Variants in SLC13A3 observed in about 807,000 individuals in gnomAD.
SLC13A3 encodes the protein Na(+)/dicarboxylate cotransporter 3.
In SLC13A3, 40 loss-of-function variants were observed where a neutral mutation model predicts 59.0. That is an observed-to-expected ratio of 0.68 (90% CI 0.53 to 0.88). The LOEUF is 0.88. Among genes scored for constraint, SLC13A3 ranks in the 40% least tolerant of loss-of-function variants. The pLI, the probability that SLC13A3 is intolerant of heterozygous loss-of-function variation, is 0.00. For missense variants in SLC13A3, 699 were observed against 783.2 expected (o/e 0.89, Z 1.28); for synonymous variants, 317 against 330.3 (o/e 0.96, Z 0.44).
chr20:46,611,280 G>C (rs545365901), intron 2 of SLC13A3, among the ~76,000 whole-genome samples: 1 of 152,124 alleles, frequency 6.6e-6, no homozygotes, highest in Non-Finnish European at 1.5e-5. Context: ...TTCCAGACTT[G>C]TGTCTTACTG....
At chr20:46,605,113 A>G (rs973781396) in intron 3 of SLC13A3, among the ~76,000 whole-genome samples, 2 of 152,246 alleles carry the variant, frequency 1.3e-5, no homozygotes, top group African/African-American at 2.4e-5. Flanking sequence ...TGCTATAAAT[A>G]AGGCAGTGAA....
intron 11 of SLC13A3, among the ~76,000 whole-genome samples, chr20:46,564,607 C>CAGGT (rs1174202769): frequency 6.6e-6 from 1 of 152,128 alleles, no homozygotes; most frequent in Non-Finnish European, 1.5e-5. Flanking sequence ...TCTCAGTGAC[C>CAGGT]AGGTCCCTCT....
At chr20:46,675,614 T>C (rs939936920) in intron 1 of SLC13A3, among the ~76,000 whole-genome samples, 4 of 150,854 alleles carry the variant, frequency 2.7e-5, no homozygotes, top group African/African-American at 9.8e-5. Flanking sequence ...AAAACTAAAC[T>C]GTGTCATCCA....
At chr20:46,564,559 C>T (rs148361303) in intron 11 of SLC13A3, among the ~76,000 whole-genome samples, 113 of 152,276 alleles carry the variant, frequency 7.4e-4, no homozygotes, top group African/African-American at 2.4e-3. Flanking sequence ...TTCTATGCTC[C>T]GTCTCCGTCC....
At chr20:46,574,497 C>A (rs1335588687) in intron 10 of SLC13A3, among the ~76,000 whole-genome samples, 2 of 152,192 alleles carry the variant, frequency 1.3e-5, no homozygotes, top group African/African-American at 4.8e-5. Context: ...GTGAGCACTC[C>A]CTGCAATTCT....
chr20:46,592,683 G>C (rs929869282), intron 5 of SLC13A3, among the ~76,000 whole-genome samples, 154 bp from the exon 6 acceptor site: 26 of 152,202 alleles, frequency 1.7e-4, no homozygotes, highest in African/African-American at 6.3e-4. Flanking sequence ...AATTCTAATA[G>C]AAGCACCCTT....
At chr20:46,593,710 A>AG (rs1394435483) in intron 5 of SLC13A3, among the ~76,000 whole-genome samples, 1 of 152,224 alleles carries the variant, frequency 6.6e-6, no homozygotes, top group Non-Finnish European at 1.5e-5. Flanking sequence ...TTATGATTAA[A>AG]GCATGTACAC....
rs2061915963 is a variant in SLC13A3, at chr20:46,559,847, G to A, written c.*175C>T. 6.6e-6 allele frequency: 4 copies of A among 604,434 alleles called. No homozygotes were observed. Among genetic ancestry groups the A allele is most frequent in the Non-Finnish European group, 8.6e-6 (3 of 347,288 alleles). 37.4% of individuals were successfully genotyped at this position (604,434 alleles called of 1,614,324 possible). A position where few individuals can be genotyped will look rare whatever the true frequency, so the allele number is the denominator to read the frequency against. On this transcript the variant is annotated 3_prime_UTR_variant, in exon 13 of 13. Transcript: ENST00000279027. ...GGCTTTGAACTGCATGAAAGAGAGAGAAAGTATCCTAGATAATGGCTCATG... is the reference window on the plus strand; with the variant it reads ...GGCTTTGAACTGCATGAAAGAGAGAAAAAGTATCCTAGATAATGGCTCATG...
At chr20:46,563,659 G>T in intron 11 of SLC13A3, 108 bp from the exon 12 acceptor site, 2 of 1,207,050 alleles carry the variant, frequency 1.7e-6, no homozygotes, top group Non-Finnish European at 2.3e-6. Context: ...ACACAAAGAC[G>T]TAGAGACAGA....
chr20:46,572,699 T>A (rs1311460331), intron 10 of SLC13A3, among the ~76,000 whole-genome samples: 1 of 152,226 alleles, frequency 6.6e-6, no homozygotes, highest in Non-Finnish European at 1.5e-5. Context: ...TGTGTTCTCA[T>A]TTCTCTGCAT....
At chr20:46,678,671 GA>G (rs946311138) in intron 1 of SLC13A3, among the ~76,000 whole-genome samples, 2 of 152,202 alleles carry the variant, frequency 1.3e-5, no homozygotes, top group African/African-American at 4.8e-5. Context: ...CCTTCTAGGA[GA>G]AGCAAAATCT....
Position 46,592,467 on chromosome 20 carries a change from A to G in SLC13A3, c.857T>C (p.Met286Thr), listed in dbSNP as rs181492581. ...CCAGCCTGCCAACAGGAACAACAGC[A>G]TAAGAGGGAAGGCGAAAATGAACCA... Reference protein sequence around the residue: ...GSWFIFAFPLMLLFLLAGWLW... With the variant: ...GSWFIFAFPLTLLFLLAGWLW... The change falls in exon 6 of 13, where the codon ATG becomes ACG. Residue 286 changes from methionine (M) to threonine (T), a missense_variant. By Grantham distance (81) the Met-to-Thr change is moderately conservative. Transcript: ENST00000279027. 2.7e-5 allele frequency: 43 copies of G among 1,614,036 alleles called. No homozygotes were observed. In the East Asian group the frequency reaches 8.7e-4, roughly 33 times the overall value.
Position 46,588,341 on chromosome 20 carries a change from G to A in SLC13A3, c.1017-178C>T, listed in dbSNP as rs146526036. Among the ~76,000 whole-genome samples the A allele has an allele frequency of 4.5e-4, 69 of 152,160 alleles. No homozygotes were observed. The East Asian group carries it at 8.9e-3, about 20-fold the overall frequency. ...GTGAGGGGAGGGGTGCCAATGGACT[G>A]TAAATGATTCCTGTCCTAGGACTTC... On this transcript the variant is annotated intron_variant, in intron 7 of 12. Transcript: ENST00000279027.
chr20:46,594,582 G>A (rs2062291322), intron 5 of SLC13A3, among the ~76,000 whole-genome samples: 1 of 152,162 alleles, frequency 6.6e-6, no homozygotes, highest in Non-Finnish European at 1.5e-5. Flanking sequence ...CACACCTGAA[G>A]CAGGACCATC....
upstream of SLC13A3, among the ~76,000 whole-genome samples, chr20:46,655,368 A>G (rs1254663866): frequency 6.7e-6 from 1 of 150,320 alleles, no homozygotes; most frequent in Non-Finnish European, 1.5e-5. Context: ...ACATATATGT[A>G]TATATAAGCC....
In SLC13A3 at chr20:46,559,892, A is replaced by C; in HGVS notation, c.*130T>G. The C allele has an allele frequency of 1.2e-6, 1 of 866,386 alleles. No individual in the cohort carries two copies. 53.7% of individuals were successfully genotyped at this position (866,386 alleles called of 1,614,324 possible). On this transcript the variant is annotated 3_prime_UTR_variant, in exon 13 of 13. Coordinates refer to ENST00000279027, the MANE Select transcript of SLC13A3 (RefSeq NM_022829.6). Reference sequence around the variant, plus strand: ...CTCATGGACTTGAGTGGGCCACTGGAGGTCACCCTTGCTTGCTGCATATTG... The same window carrying C: ...CTCATGGACTTGAGTGGGCCACTGGCGGTCACCCTTGCTTGCTGCATATTG...
At chr20:46,632,914 T>G (rs376913207) in intron 1 of SLC13A3, among the ~76,000 whole-genome samples, 1,682 of 17,680 alleles carry the variant, frequency 0.095, 55 homozygotes, top group Middle Eastern at 0.33. Context: ...GATAGATATA[T>G]CTATCTATCT....
intron 1 of SLC13A3, among the ~76,000 whole-genome samples, chr20:46,630,169 C>G (rs2062723215): frequency 6.6e-6 from 1 of 152,200 alleles, no homozygotes; most frequent in Non-Finnish European, 1.5e-5. Context: ...AAGACGGTCA[C>G]AGTTCTTTGG....
chr20:46,566,435 C>A (rs1040962493), intron 10 of SLC13A3, 45 bp from the exon 11 acceptor site: 2 of 1,582,376 alleles, frequency 1.3e-6, no homozygotes, highest in Admixed American at 1.7e-5. Flanking sequence ...CCATCCCCAG[C>A]TGCCGCCCCC....
Sources: gnomAD v4.1 joint callset for allele counts (sites outside exome capture counted in the v4.1 genomes callset) on GRCh38, gnomAD v4.1.1 for gene constraint, MANE v1.5 for transcripts, NCBI Gene and HGNC (gene_info 2026-07-23, HGNC 2026-07-21) for gene names.